CNTN5: variants seen among roughly 807,000 people sequenced by gnomAD.
The protein encoded by CNTN5 is contactin 5.
In CNTN5, 77 loss-of-function variants were observed where a neutral mutation model predicts 129.1. The observed-to-expected ratio is 0.60, with a 90% CI of 0.50 to 0.72. The LOEUF is 0.72. CNTN5 is among the 30% of genes least tolerant of loss of function. CNTN5 has a pLI of 0.00. For missense variants in CNTN5, 1,478 were observed against 1,328.8 expected (o/e 1.11, Z -1.75); for synonymous variants, 509 against 465.6 (o/e 1.09, Z -1.20).
At chr11:99,907,714 T>C (rs1264805637) in intron 6 of CNTN5, among the ~76,000 whole-genome samples, 1 of 151,952 alleles carries the variant, frequency 6.6e-6, no homozygotes, top group Non-Finnish European at 1.5e-5. Context: ...TTTTCTCAAC[T>C]GTAATGGAAG....
chr11:99,990,485 T>TAC (rs1939007773), intron 8 of CNTN5, among the ~76,000 whole-genome samples: 2 of 88,602 alleles, frequency 2.3e-5, no homozygotes, highest in Non-Finnish European at 4.9e-5. Context: ...CACACACACA[T>TAC]ACATACTAGT....
intron 1 of CNTN5, among the ~76,000 whole-genome samples, chr11:99,050,797 T>C (rs1360923387): frequency 6.6e-6 from 1 of 151,886 alleles, no homozygotes; most frequent in Non-Finnish European, 1.5e-5. Flanking sequence ...ATTGAATATA[T>C]GTTTTCATAT....
At chr11:99,290,422 A>G (rs1406089689) in intron 1 of CNTN5, among the ~76,000 whole-genome samples, 4 of 151,886 alleles carry the variant, frequency 2.6e-5, no homozygotes, top group Admixed American at 6.6e-5. Context: ...AAAATTGAGT[A>G]AACACAAGTA....
At chr11:99,319,401 A>G (rs775255788) in intron 1 of CNTN5, among the ~76,000 whole-genome samples, 6 of 152,162 alleles carry the variant, frequency 3.9e-5, no homozygotes, top group Admixed American at 2.0e-4. Context: ...TCCCCATAAA[A>G]GCCTTCTCTG....
intron 8 of CNTN5, among the ~76,000 whole-genome samples, chr11:99,985,155 G>C (rs1016429438): frequency 2.0e-5 from 3 of 152,084 alleles, no homozygotes; most frequent in Non-Finnish European, 4.4e-5. Context: ...CTGCTGGCAA[G>C]GGCAAAGGGT....
chr11:99,878,303 G>C (rs1948685444), intron 6 of CNTN5, among the ~76,000 whole-genome samples: 1 of 152,040 alleles, frequency 6.6e-6, no homozygotes, highest in Admixed American at 6.6e-5. Context: ...CTTCTTCTGT[G>C]TGTTTTGTCA....
At chr11:99,958,922 C>T (rs1224131219) in intron 8 of CNTN5, among the ~76,000 whole-genome samples, 2 of 152,162 alleles carry the variant, frequency 1.3e-5, no homozygotes, top group Non-Finnish European at 2.9e-5. Context: ...TCTTTCTACA[C>T]ATTGCCGATC....
chr11:100,320,943 T>C (rs1200657055), intron 21 of CNTN5, among the ~76,000 whole-genome samples: 1 of 152,216 alleles, frequency 6.6e-6, no homozygotes, highest in Admixed American at 6.5e-5. Flanking sequence ...AATAGCATGC[T>C]GTTTTTGTTA....
intron 2 of CNTN5, among the ~76,000 whole-genome samples, chr11:99,338,489 G>T (rs948865802): frequency 6.6e-6 from 1 of 152,102 alleles, no homozygotes; most frequent in Non-Finnish European, 1.5e-5. Context: ...GAGAACAGTT[G>T]TTCGTTTTGG....
chr11:100,328,088 C>T (rs1292808939), intron 21 of CNTN5, among the ~76,000 whole-genome samples: 1 of 152,038 alleles, frequency 6.6e-6, no homozygotes, highest in East Asian at 1.9e-4. Flanking sequence ...TGATAGCTCA[C>T]ACCTGCAATC....
At chr11:99,784,088 G>A (rs116096889) in intron 3 of CNTN5, among the ~76,000 whole-genome samples, 147 of 152,198 alleles carry the variant, frequency 9.7e-4, no homozygotes, top group African/African-American at 3.5e-3. Context: ...TTTTGCAGAT[G>A]ATTTCAGAAG....
chr11:100,343,581 A>C (rs1481452223), intron 23 of CNTN5, among the ~76,000 whole-genome samples: 4 of 152,162 alleles, frequency 2.6e-5, no homozygotes, highest in Non-Finnish European at 5.9e-5. Context: ...ACAATGGGAC[A>C]GGAATATATA....
At chr11:99,980,657 T>G (rs1172567229) in intron 8 of CNTN5, among the ~76,000 whole-genome samples, 1 of 152,192 alleles carries the variant, frequency 6.6e-6, no homozygotes, top group Non-Finnish European at 1.5e-5. Flanking sequence ...TGCTGCTGCC[T>G]TTTAATATGA....
At chr11:99,975,507 G>C (rs983550153) in intron 8 of CNTN5, among the ~76,000 whole-genome samples, 3 of 152,174 alleles carry the variant, frequency 2.0e-5, no homozygotes, top group African/African-American at 7.2e-5. Flanking sequence ...AGAAGTACCT[G>C]AGACAGGGTA....
chr11:99,284,157 T>C lies in CNTN5; in HGVS notation c.-209-41189T>C, dbSNP rs558713721. On this transcript the variant is annotated intron_variant, in intron 1 of 24. Transcript: ENST00000524871. ...GTCAGTGGAGTGCTTAACACCAGGC[T>C]AGTCTCATACTAGAGGTGTAATTGT... 2.0e-5 allele frequency among the ~76,000 whole-genome samples: 3 copies of C among 152,242 alleles called. No homozygotes were observed. In the South Asian group the frequency reaches 6.2e-4, roughly 32 times the overall value.
chr11:99,954,034 G>T (rs899304230), intron 7 of CNTN5, among the ~76,000 whole-genome samples: 2 of 152,020 alleles, frequency 1.3e-5, no homozygotes, highest in African/African-American at 2.4e-5. Flanking sequence ...TAAGCAAGGG[G>T]TCCAGGTTCA....
chr11:100,120,952 A>G (rs1187928884), intron 13 of CNTN5, among the ~76,000 whole-genome samples: 1 of 151,920 alleles, frequency 6.6e-6, no homozygotes, highest in Non-Finnish European at 1.5e-5. Flanking sequence ...TTATTTTTCC[A>G]GTACTGTAGG....
chr11:100,199,161 G>T (rs368539632), intron 15 of CNTN5, among the ~76,000 whole-genome samples: 1 of 151,850 alleles, frequency 6.6e-6, no homozygotes, highest in African/African-American at 2.4e-5. Flanking sequence ...CTTGGCATGC[G>T]AAGTCCTGGA....
intron 1 of CNTN5, among the ~76,000 whole-genome samples, chr11:99,264,772 A>G (rs1862808522): frequency 6.6e-6 from 1 of 152,126 alleles, no homozygotes; most frequent in African/African-American, 2.4e-5. Context: ...GTGTATTAGT[A>G]TAAGATATTG....
Sources: allele counts gnomAD v4.1 joint callset (sites outside exome capture counted in the v4.1 genomes callset), GRCh38; gene constraint gnomAD v4.1.1; transcripts MANE v1.5; gene names NCBI Gene and HGNC (gene_info 2026-07-23, HGNC 2026-07-21).